RPS6KB2: variants seen among roughly 807,000 people sequenced by gnomAD.
RPS6KB2 encodes ribosomal protein S6 kinase beta-2.
RPS6KB2 carries 51 observed loss-of-function variants against 58.2 expected under a neutral mutation model. That is an observed-to-expected ratio of 0.88 (90% CI 0.70 to 1.11). The LOEUF (loss-of-function observed/expected upper bound fraction) is 1.11. Among genes scored for constraint, RPS6KB2 ranks in the 50% least tolerant of loss-of-function variants. The probability of loss-of-function intolerance (pLI) is 0.00; values close to 1 mark genes in which losing one functional copy is unlikely to be tolerated. For missense variants in RPS6KB2, 671 were observed against 655.8 expected (o/e 1.02, Z -0.25); for synonymous variants, 293 against 258.6 (o/e 1.13, Z -1.28).
At position 67,434,011 on chromosome 11, in the gene RPS6KB2, C is replaced by T. The variant is rs752178018; in HGVS notation, c.923C>T (p.Pro308Leu). Reference protein sequence around the residue: ...DLVKKFLKRNPSQRIGGGPGD... With the variant: ...DLVKKFLKRNLSQRIGGGPGD... ...GTCCCGCAGTTTCTGAAACGGAATC[C>T]CAGCCAGCGGATTGGGGGTGGCCCA... is the stretch of plus-strand genomic sequence containing the variant. The change falls in exon 11 of 15, where the codon CCC (proline) becomes CTC (leucine). Residue 308 changes from proline (P) to leucine (L), a missense_variant. Transcript: ENST00000312629. The T allele has an allele frequency of 5.6e-6, 9 of 1,614,008 alleles. No homozygotes were observed. The highest frequency in any genetic ancestry group is 5.3e-5 in the African/African-American group (4 of 74,936).
intron 4 of RPS6KB2, 35 bp downstream of exon 4, chr11:67,429,630 G>C: frequency 6.6e-7 from 1 of 1,523,202 alleles, no homozygotes. Context: ...ATACTGTGTG[G>C]CTGCCATTCC....
At chr11:67,434,766 G>A in intron 14 of RPS6KB2, 72 bp downstream of exon 14, 1 of 1,277,792 alleles carries the variant, frequency 7.8e-7, no homozygotes, top group Non-Finnish European at 1.1e-6. Flanking sequence ...CCAGCCTTGG[G>A]TGCCTTGGCC....
At chr11:67,431,204 A>C (rs1864009351) in intron 4 of RPS6KB2, 164 bp from the exon 5 acceptor site, 1 of 576,850 alleles carries the variant, frequency 1.7e-6, no homozygotes, top group African/African-American at 1.9e-5. Context: ...TAATTTTTCT[A>C]TTTTTAGTAG....
chr11:67,431,959 C>T lies in RPS6KB2; in HGVS notation c.457+444C>T. ...TTTCTAACTGGGCTGAGGCCTCCCG[C>T]TCACCTGCTTTCTAGTGTCTCCTCT... On this transcript the variant is annotated intron_variant, in intron 5 of 14. Transcript: ENST00000312629. 1.5e-5 allele frequency: 4 copies of T among 266,928 alleles called. No individual in the cohort carries two copies. The South Asian group carries it at 1.6e-4, about 11-fold the overall frequency. 16.5% of individuals were successfully genotyped at this position (266,928 alleles called of 1,614,324 possible).
In RPS6KB2 at chr11:67,435,016, G is replaced by T; in HGVS notation, c.1296G>T (p.Gly432=). The T allele has an allele frequency of 6.2e-7, 1 of 1,613,554 alleles. No individual in the cohort carries two copies. The highest frequency in any genetic ancestry group is 8.5e-7 in the Non-Finnish European group (1 of 1,179,846). ...VSPLKFSPFE[G]FRPSPSLPEP... ...CCCTCAAGTTCTCCCCTTTTGAGGG[G>T]TTTCGGCCCAGCCCCAGCCTGCCGG... Residue 432 remains glycine, a synonymous_variant, in exon 15 of 15, where the codon GGG becomes GGT. Transcript: ENST00000312629.
rs2286623 is a variant in RPS6KB2, at chr11:67,433,982, C to T, written c.907-13C>T. The T allele has an allele frequency of 6.2e-7, 1 of 1,614,126 alleles. No individual in the cohort carries two copies. Among genetic ancestry groups the T allele is most frequent in the Non-Finnish European group, 8.5e-7 (1 of 1,180,022 alleles). ...ACTTGCCCAGGCCCTCACCCTCTCT[C>T]CTGGTCCCGCAGTTTCTGAAACGGA... On this transcript the variant is annotated splice_polypyrimidine_tract_variant and intron_variant, in intron 10 of 14. Coordinates refer to ENST00000312629, the MANE Select transcript of RPS6KB2 (RefSeq NM_003952.3).
rs1355804020 is a variant in RPS6KB2 at position 67,435,273 on chromosome 11, T to TGGG, written c.*106_*108dup. ...AGAGACCTGGGGGTGTGTCTGGGGG[T>TGGG]GGGGTGTGAGTGCGTATGAAAGTGT... On this transcript the variant is annotated 3_prime_UTR_variant, in exon 15 of 15. Coordinates refer to ENST00000312629, the MANE Select transcript of RPS6KB2 (RefSeq NM_003952.3). The TGGG allele has an allele frequency of 9.1e-7, 1 of 1,097,054 alleles. No individual in the cohort carries two copies. Among genetic ancestry groups the TGGG allele is most frequent in the Non-Finnish European group, 1.3e-6 (1 of 791,552 alleles). 68.0% of individuals were successfully genotyped at this position (1,097,054 alleles called of 1,614,324 possible).
intron 5 of RPS6KB2, 109 bp downstream of exon 5, chr11:67,431,624 T>G: frequency 8.5e-7 from 1 of 1,171,470 alleles, no homozygotes; most frequent in Non-Finnish European, 1.2e-6. Flanking sequence ...GGGGGTTGGC[T>G]AGGGGGCCCC....
Position 67,434,461 on chromosome 11 carries a change from G to A in RPS6KB2, c.1132G>A (p.Glu378Lys), listed in dbSNP as rs751934202. ...CAGTCCTGATGACACAGCCCTCAGCGAGAGTGCCAACCAGGCCTTCCTGGT... is the reference window on the plus strand; with the variant it reads ...CAGTCCTGATGACACAGCCCTCAGCAAGAGTGCCAACCAGGCCTTCCTGGT... ...VDSPDDTALS[E>K]SANQAFLGFT... Residue 378 changes from glutamate (E) to lysine (K), a missense_variant, in exon 13 of 15, where the codon GAG becomes AAG. Glu to Lys is a moderately conservative substitution (Grantham distance 56). Transcript: ENST00000312629. 22 of 1,612,596 alleles carry A rather than the reference G, an allele frequency of 1.4e-5. No individual in the cohort carries two copies. Among genetic ancestry groups the A allele is most frequent in the East Asian group, 2.2e-5 (1 of 44,884 alleles).
In RPS6KB2 at chr11:67,435,303, C is replaced by T. The variant is rs1864233995; in HGVS notation, c.*134C>T. The stretch of plus-strand genomic sequence containing the variant: ...TGTGAGTGCGTATGAAAGTGTGTGT[C>T]TGCTGGGGCAGCTGTGCCCCTGAAT... On this transcript the variant is annotated 3_prime_UTR_variant, in exon 15 of 15. Transcript: ENST00000312629. The T allele has an allele frequency of 2.3e-6, 2 of 861,818 alleles. No homozygotes were observed. The highest frequency in any genetic ancestry group is 3.4e-6 in the Non-Finnish European group (2 of 579,816). The allele number at this position is 861,818 out of a possible 1,614,324, so 53.4% of individuals were successfully genotyped here. A position where few individuals can be genotyped will look rare whatever the true frequency, so the allele number is the denominator to read the frequency against.
intron 10 of RPS6KB2, among the ~76,000 whole-genome samples, chr11:67,433,759 C>T (rs1183546329): frequency 6.6e-6 from 1 of 152,184 alleles, no homozygotes; most frequent in Non-Finnish European, 1.5e-5. Context: ...GGGGAGTTGG[C>T]GCCTCACCAA....
chr11:67,428,779 C>A, intron 1 of RPS6KB2, 156 bp downstream of exon 1: 3 of 897,518 alleles, frequency 3.3e-6, no homozygotes, highest in Non-Finnish European at 5.3e-6. Context: ...TGATCCCACC[C>A]TCACCCCGAC....
At chr11:67,429,950 A>T (rs1217410013) in intron 4 of RPS6KB2, 2 of 193,834 alleles carry the variant, frequency 1.0e-5, no homozygotes, top group Admixed American at 5.8e-5. Context: ...AGTAGCTGGG[A>T]TTACAGGCGC....
chr11:67,434,715 G>C, intron 14 of RPS6KB2, 21 bp downstream of exon 14: 1 of 1,560,000 alleles, frequency 6.4e-7, no homozygotes. Context: ...ACGTGGGGGT[G>C]TGTGGCTGGG....
intron 5 of RPS6KB2, 69 bp downstream of exon 5, chr11:67,431,584 TG>T: frequency 2.0e-6 from 3 of 1,477,828 alleles, no homozygotes; most frequent in East Asian, 2.4e-5. Context: ...AAGGAAGCTC[TG>T]GGGGGAAGCT....
Position 67,434,020 on chromosome 11 carries a change from G to C in RPS6KB2, c.932G>C (p.Arg311Pro). 6.2e-7 allele frequency: 1 copy of C among 1,614,156 alleles called. No homozygotes were observed. Among genetic ancestry groups the C allele is most frequent in the Non-Finnish European group, 8.5e-7 (1 of 1,180,028 alleles). ...TTTCTGAAACGGAATCCCAGCCAGC[G>C]GATTGGGGGTGGCCCAGGGGATGCT... ...KKFLKRNPSQ[R>P]IGGGPGDAAD... The change falls in exon 11 of 15, where the codon CGG becomes CCG. Residue 311 changes from arginine to proline, a missense_variant. Coordinates refer to ENST00000312629, the MANE Select transcript of RPS6KB2 (RefSeq NM_003952.3).
At chr11:67,429,381 A>G in intron 3 of RPS6KB2, 141 bp downstream of exon 3, 1 of 1,370,858 alleles carries the variant, frequency 7.3e-7, no homozygotes, top group Non-Finnish European at 1.0e-6. Context: ...GGAAGGCCAA[A>G]TCCTCTCCAA....
Position 67,428,969 on chromosome 11 carries a change from C to A in RPS6KB2, c.79-13C>A. On this transcript the variant is annotated splice_polypyrimidine_tract_variant and intron_variant, in intron 1 of 14. Transcript: ENST00000312629. ...GGCACCTTCCTTGGCTCTTACCCCTCGGTTTCTCACAGGACGCATGTCCCC... is the reference window on the plus strand; with the variant it reads ...GGCACCTTCCTTGGCTCTTACCCCTAGGTTTCTCACAGGACGCATGTCCCC... The A allele has an allele frequency of 6.2e-7, 1 of 1,614,006 alleles. No homozygotes were observed. Among genetic ancestry groups the A allele is most frequent in the Non-Finnish European group, 8.5e-7 (1 of 1,180,004 alleles).
In RPS6KB2 at chr11:67,434,675, AGCCCCCGG is replaced by A. The variant is rs767301002; in HGVS notation, c.1257_1264del (p.Ala420GlnfsTer9). ...GCGCTCACCCAGGCGCCTCAACAGT[AGCCCCCGG>A]GCCCCCGTCAGGTACTGAGGGACGT... is the stretch of plus-strand genomic sequence containing the variant. On this transcript the variant is annotated frameshift_variant, in exon 14 of 15. Transcript: ENST00000312629. LOFTEE classifies it high-confidence loss of function. 7.5e-6 allele frequency: 12 copies of A among 1,609,108 alleles called. No individual in the cohort carries two copies. In the East Asian group the frequency reaches 2.7e-4, roughly 36 times the overall value.
Sources: gnomAD v4.1 joint callset for allele counts (sites outside exome capture counted in the v4.1 genomes callset) on GRCh38, gnomAD v4.1.1 for gene constraint, MANE v1.5 for transcripts, NCBI Gene and HGNC (gene_info 2026-07-23, HGNC 2026-07-21) for gene names.